GLG1: variants seen among roughly 807,000 people sequenced by gnomAD.
GLG1 encodes the protein golgi glycoprotein 1.
GLG1 carries 38 observed loss-of-function variants against 160.5 expected under a neutral mutation model. The ratio of observed to expected loss-of-function variants is 0.24; its 90% CI spans 0.18 to 0.31. The LOEUF is 0.31. GLG1 is among the 10% of genes least tolerant of loss of function. GLG1 has a pLI of 1.00. For missense variants in GLG1, 1,373 were observed against 1,505.2 expected (o/e 0.91, Z 1.45); for synonymous variants, 644 against 543.4 (o/e 1.19, Z -2.57).
In GLG1 at chr16:74,607,006, A is replaced by T. The variant is rs1040115753; in HGVS notation, c.89T>A (p.Leu30His). The T allele has an allele frequency of 1.2e-6, 2 of 1,603,728 alleles. No homozygotes were observed. The highest frequency in any genetic ancestry group is 1.7e-5 in the Admixed American group (1 of 58,746). The change falls in exon 1 of 26, where the codon CTC becomes CAC. Residue 30 changes from leucine (L) to histidine (H), a missense_variant. Physicochemically the swap from Leu to His is moderately conservative, Grantham distance 99. Transcript: ENST00000422840. The part of the protein sequence containing the change: ...LLLFAAGAEK[L>H]PGQGVHSQGQ... Reference sequence around the variant, plus strand: ...CTGGCTGTGGACGCCCTGGCCGGGGAGTTTCTCGGCCCCGGCCGCGAATAG... The same window carrying T: ...CTGGCTGTGGACGCCCTGGCCGGGGTGTTTCTCGGCCCCGGCCGCGAATAG...
intron 1 of GLG1, among the ~76,000 whole-genome samples, chr16:74,583,799 G>T (rs1427348056): frequency 2.0e-5 from 3 of 152,124 alleles, no homozygotes; most frequent in Admixed American, 2.0e-4. Flanking sequence ...CTCTTTCAAA[G>T]CTCTCACCAT....
Position 74,452,437 on chromosome 16 carries a change from A to G in GLG1, c.*730T>C. On this transcript the variant is annotated 3_prime_UTR_variant, in exon 26 of 26. Transcript: ENST00000422840. ...TTCCCCTCCCCAGCTGCCCTTGTCT[A>G]GGAAGGCTCATGCTTTGCTTCAATG... 2 of 1,140,460 alleles carry G rather than the reference A, an allele frequency of 1.8e-6. No individual in the cohort carries two copies. The highest frequency in any genetic ancestry group is 2.2e-6 in the Non-Finnish European group (2 of 920,588). 70.6% of individuals were successfully genotyped at this position (1,140,460 alleles called of 1,614,324 possible). A position where few individuals can be genotyped will look rare whatever the true frequency, so the allele number is the denominator to read the frequency against.
At chr16:74,584,725 G>A (rs1029256815) in intron 1 of GLG1, among the ~76,000 whole-genome samples, 1 of 151,942 alleles carries the variant, frequency 6.6e-6, no homozygotes, top group African/African-American at 2.4e-5. Flanking sequence ...AGACTACCCT[G>A]GCCAACATGA....
chr16:74,452,064 G>C lies in GLG1; in HGVS notation c.*1103C>G. On this transcript the variant is annotated 3_prime_UTR_variant, in exon 26 of 26. Coordinates refer to ENST00000422840, the MANE Select transcript of GLG1 (RefSeq NM_001145667.2). ...TGGAGTGTGCAGAAAGGTCAGGCTG[G>C]ACTGCCTGTCACATCCTGAGACCAC... 6.2e-7 allele frequency: 1 copy of C among 1,611,086 alleles called. No individual in the cohort carries two copies.
At chr16:74,526,074 A>T (rs2067807211) in intron 2 of GLG1, among the ~76,000 whole-genome samples, 1 of 152,248 alleles carries the variant, frequency 6.6e-6, no homozygotes, top group Non-Finnish European at 1.5e-5. Context: ...CAGATACCCA[A>T]ACAATTTTCC....
intron 9 of GLG1, among the ~76,000 whole-genome samples, chr16:74,485,479 G>A (rs2015756474): frequency 6.6e-6 from 1 of 152,140 alleles, no homozygotes; most frequent in Non-Finnish European, 1.5e-5. Context: ...CACCTATCCT[G>A]AGTGTTTCTC....
intron 1 of GLG1, among the ~76,000 whole-genome samples, chr16:74,580,802 A>G (rs1043681259): frequency 6.6e-6 from 1 of 152,218 alleles, no homozygotes; most frequent in Admixed American, 6.5e-5. Context: ...AAACTCTTAC[A>G]ACTCAACAAC....
intron 25 of GLG1, among the ~76,000 whole-genome samples, chr16:74,454,064 G>A (rs576451384): frequency 2.6e-5 from 4 of 151,864 alleles, no homozygotes; most frequent in Admixed American, 1.3e-4. Flanking sequence ...TAGTAGAGAC[G>A]GGGTTTCACT....
At chr16:74,484,595 T>C (rs1345247749) in intron 9 of GLG1, among the ~76,000 whole-genome samples, 1 of 151,948 alleles carries the variant, frequency 6.6e-6, no homozygotes, top group Non-Finnish European at 1.5e-5. Context: ...ACCCTGTCTC[T>C]ACTAAAAACA....
At chr16:74,597,752 G>A (rs1436962348) in intron 1 of GLG1, among the ~76,000 whole-genome samples, 4 of 151,898 alleles carry the variant, frequency 2.6e-5, no homozygotes, top group African/African-American at 4.8e-5. Context: ...TACTCGGGAG[G>A]CTGAAGCAGG....
chr16:74,546,114 T>C (rs1376218463), intron 1 of GLG1, among the ~76,000 whole-genome samples: 1 of 152,340 alleles, frequency 6.6e-6, no homozygotes, highest in Middle Eastern at 3.4e-3. Flanking sequence ...ATAATCATAA[T>C]TACTGTTCTT....
intron 1 of GLG1, among the ~76,000 whole-genome samples, chr16:74,532,906 G>C (rs1402735694): frequency 6.6e-6 from 1 of 152,104 alleles, no homozygotes; most frequent in Non-Finnish European, 1.5e-5. Context: ...TCTAGGTACT[G>C]TTTTTGAAAC....
chr16:74,591,639 A>G (rs2143865304), intron 1 of GLG1, among the ~76,000 whole-genome samples: 1 of 152,154 alleles, frequency 6.6e-6, no homozygotes, highest in African/African-American at 2.4e-5. Flanking sequence ...AAAAAAAAAG[A>G]AGACTTACAA....
At chr16:74,581,002 G>T (rs1957926223) in intron 1 of GLG1, among the ~76,000 whole-genome samples, 1 of 152,138 alleles carries the variant, frequency 6.6e-6, no homozygotes, top group South Asian at 2.1e-4. Flanking sequence ...ATAAGTGTTG[G>T]TGAGGATGTG....
rs150892546 is a variant in GLG1, at chr16:74,564,785, C to T, written c.439-32632G>A. Among the ~76,000 whole-genome samples, 10 of 152,280 alleles carry T rather than the reference C, an allele frequency of 6.6e-5. No homozygotes were observed. The East Asian group carries it at 1.9e-3, about 29-fold the overall frequency. ...TCAAACCTAAATGAAGTCACTCATG[C>T]TAAATGCAACATCATCAAATTGAAA... On this transcript the variant is annotated intron_variant, in intron 1 of 25. Transcript: ENST00000422840.
chr16:74,463,491 C>T lies in GLG1; in HGVS notation c.2668-12G>A, dbSNP rs775708454. The T allele has an allele frequency of 2.5e-6, 4 of 1,613,278 alleles. No homozygotes were observed. The highest frequency in any genetic ancestry group is 1.7e-5 in the Admixed American group (1 of 59,880). On this transcript the variant is annotated splice_polypyrimidine_tract_variant and intron_variant, in intron 19 of 25. Transcript: ENST00000422840. ...TCCGGACAGAACCTCTGCAAAGAAA[C>T]AGTTTGATAAAAACAGCTATCTAAA...
At chr16:74,556,047 T>C (rs1209940792) in intron 1 of GLG1, among the ~76,000 whole-genome samples, 1 of 152,068 alleles carries the variant, frequency 6.6e-6, no homozygotes. Flanking sequence ...CTATGTTGCC[T>C]GAGCTAGTCT....
At chr16:74,581,739 C>T (rs1484085286) in intron 1 of GLG1, among the ~76,000 whole-genome samples, 4 of 151,864 alleles carry the variant, frequency 2.6e-5, no homozygotes, top group East Asian at 1.9e-4. Context: ...GGTGAAACCC[C>T]GTCTGTACTA....
intron 1 of GLG1, among the ~76,000 whole-genome samples, chr16:74,562,318 C>G (rs2018534543): frequency 6.6e-6 from 1 of 152,212 alleles, no homozygotes; most frequent in Non-Finnish European, 1.5e-5. Context: ...TAAGTTGACT[C>G]ATTATGAAAT....
Sources: gnomAD v4.1 joint callset for allele counts (sites outside exome capture counted in the v4.1 genomes callset) on GRCh38, gnomAD v4.1.1 for gene constraint, MANE v1.5 for transcripts, NCBI Gene and HGNC (gene_info 2026-07-23, HGNC 2026-07-21) for gene names.